The following MCTP1 variants were observed in gnomAD, a reference collection of about 807,000 sequenced individuals.
The protein encoded by MCTP1 is multiple C2 and transmembrane domain-containing protein 1.
Under a neutral mutation model 120.6 loss-of-function variants are expected in MCTP1, and 69 were observed. The observed-to-expected ratio is 0.57, with a 90% confidence interval of 0.47 to 0.70. MCTP1 has a LOEUF of 0.70. Ranked by LOEUF, MCTP1 falls within the 30% of genes least tolerant of loss-of-function variation. MCTP1 has a pLI of 0.00. For synonymous variants in MCTP1, 529 were observed against 493.1 expected, an observed-to-expected ratio of 1.07 and a Z score of -0.96; for missense variants, 1,203 against 1,248.8, an observed-to-expected ratio of 0.96 and a Z score of 0.55.
At chr5:95,075,195 C>A (rs1245238687) in intron 1 of MCTP1, among the ~76,000 whole-genome samples, 1 of 152,184 alleles carries the variant, frequency 6.6e-6, no homozygotes, top group African/African-American at 2.4e-5. Context: ...CTTTTAAAAT[C>A]AAATGGGTAC....
intron 1 of MCTP1, among the ~76,000 whole-genome samples, chr5:95,274,588 C>G (rs568993864): frequency 3.9e-5 from 6 of 152,166 alleles, no homozygotes; most frequent in Admixed American, 2.0e-4. Flanking sequence ...TTCCCATGAA[C>G]CATTTCCAAC....
At chr5:94,862,157 T>C (rs1170193206) in intron 17 of MCTP1, among the ~76,000 whole-genome samples, 1 of 151,832 alleles carries the variant, frequency 6.6e-6, no homozygotes. Context: ...TTTTCAAAAT[T>C]ATAGCATTCT....
chr5:94,778,249 G>A (rs1201493349), intron 19 of MCTP1, among the ~76,000 whole-genome samples: 1 of 151,954 alleles, frequency 6.6e-6, no homozygotes, highest in African/African-American at 2.4e-5. Flanking sequence ...AAAAAAATCT[G>A]GTTTTACACG....
At position 94,888,958 on chromosome 5, in the gene MCTP1, T is replaced by A. The variant is rs568470477; in HGVS notation, c.1854A>T (p.Ile618=). The change falls in exon 12 of 23, where the codon ATA becomes ATT. Residue 618 remains isoleucine (I), a synonymous_variant. Transcript: ENST00000515393. ...ATCCCACATCTTTCAGGTTGTGAAA[T>A]ATCCTCAATGGGCTCTGAAAGACCC... ...EILKRYSPLR[I]FHNLKDVGFL... The A allele has an allele frequency of 1.1e-5, 18 of 1,613,316 alleles. No homozygotes were observed. The highest frequency in any genetic ancestry group is 1.5e-5 in the Non-Finnish European group (18 of 1,179,290).
chr5:94,966,957 AG>A (rs34483311), intron 2 of MCTP1, among the ~76,000 whole-genome samples: 2 of 152,350 alleles, frequency 1.3e-5, no homozygotes, highest in South Asian at 4.1e-4. Context: ...CCTCAAAACT[AG>A]GAATGATCAT....
At chr5:95,269,187 GTAT>G (rs367646773) in intron 1 of MCTP1, among the ~76,000 whole-genome samples, 2 of 152,076 alleles carry the variant, frequency 1.3e-5, no homozygotes, top group African/African-American at 2.4e-5. Context: ...TTCCATGCTG[GTAT>G]TATTATTATT....
intron 1 of MCTP1, among the ~76,000 whole-genome samples, chr5:95,244,067 G>C (rs577314204): frequency 1.4e-4 from 22 of 152,308 alleles, no homozygotes; most frequent in Admixed American, 9.1e-4. Flanking sequence ...CTACAGAGTA[G>C]AGAGAAGATA....
chr5:95,007,051 C>T (rs1834903278), intron 2 of MCTP1, among the ~76,000 whole-genome samples: 1 of 152,064 alleles, frequency 6.6e-6, no homozygotes, highest in African/African-American at 2.4e-5. Flanking sequence ...TGGCTGGAAA[C>T]TTACAATCAT....
intron 15 of MCTP1, 72 bp from the exon 16 acceptor site, chr5:94,870,563 A>T (rs1680094757): frequency 9.0e-7 from 1 of 1,107,756 alleles, no homozygotes; most frequent in South Asian, 1.3e-5. Flanking sequence ...ACGCAGTTCA[A>T]TTTGCAATAA....
intron 12 of MCTP1, among the ~76,000 whole-genome samples, chr5:94,882,411 C>T (rs1800306620): frequency 6.6e-6 from 1 of 151,916 alleles, no homozygotes; most frequent in Non-Finnish European, 1.5e-5. Context: ...CCAAGTATCT[C>T]TGTAGTAAGT....
At chr5:94,807,314 A>G (rs1006797208) in intron 17 of MCTP1, among the ~76,000 whole-genome samples, 2 of 152,214 alleles carry the variant, frequency 1.3e-5, no homozygotes, top group Non-Finnish European at 2.9e-5. Context: ...GGTGTTTATC[A>G]ATATATAAAA....
intron 19 of MCTP1, among the ~76,000 whole-genome samples, chr5:94,728,489 C>T (rs1455542581): frequency 2.0e-5 from 3 of 152,130 alleles, no homozygotes; most frequent in Non-Finnish European, 4.4e-5. Flanking sequence ...GATGTACTTT[C>T]CTGGGCCTGT....
At chr5:94,966,711 C>T (rs938351785) in intron 2 of MCTP1, among the ~76,000 whole-genome samples, 17 of 151,860 alleles carry the variant, frequency 1.1e-4, no homozygotes, top group Admixed American at 3.9e-4. Flanking sequence ...AGGAGAATGG[C>T]GTGAACCTGG....
chr5:95,153,918 A>G (rs1649328786), intron 1 of MCTP1, among the ~76,000 whole-genome samples: 1 of 152,194 alleles, frequency 6.6e-6, no homozygotes, highest in African/African-American at 2.4e-5. Context: ...TCTTTCTAAA[A>G]TCAAAGGTCT....
chr5:94,749,799 C>G (rs929864170), intron 19 of MCTP1, among the ~76,000 whole-genome samples: 9 of 151,820 alleles, frequency 5.9e-5, no homozygotes, highest in African/African-American at 2.2e-4. Flanking sequence ...ATCTCTAAAG[C>G]CTTGGGCCAA....
intron 1 of MCTP1, among the ~76,000 whole-genome samples, chr5:95,279,130 A>G (rs1760109658): frequency 6.6e-6 from 1 of 152,216 alleles, no homozygotes; most frequent in African/African-American, 2.4e-5. Flanking sequence ...TACTCCATTA[A>G]CCAGGATTGG....
chr5:94,772,498 A>AT (rs1254563741), intron 19 of MCTP1, among the ~76,000 whole-genome samples: 2 of 152,068 alleles, frequency 1.3e-5, no homozygotes, highest in Non-Finnish European at 2.9e-5. Context: ...CAATCTCCCT[A>AT]TTTTAAGGTC....
Position 94,706,900 on chromosome 5 carries a change from A to C in MCTP1, c.*596T>G, listed in dbSNP as rs541262994. ...AGTATTGATTCTCTTGAGGGAGTGA[A>C]TGTACCTTCACTTATTAGCTTAAAA... On this transcript the variant is annotated 3_prime_UTR_variant, in exon 23 of 23. Coordinates refer to ENST00000515393, the MANE Select transcript of MCTP1 (RefSeq NM_024717.7). 6.6e-6 allele frequency: 1 copy of C among 151,972 alleles called. No homozygotes were observed. The highest frequency in any genetic ancestry group is 1.5e-5 in the Non-Finnish European group (1 of 67,876). The allele number at this position is 151,972 out of a possible 1,614,324, so 9.4% of individuals were successfully genotyped here. A position where few individuals can be genotyped will look rare whatever the true frequency, so the allele number is the denominator to read the frequency against.
chr5:95,225,983 T>C lies in MCTP1; in HGVS notation c.720+57873A>G, dbSNP rs577253792. On this transcript the variant is annotated intron_variant, in intron 1 of 22. Coordinates refer to ENST00000515393, the MANE Select transcript of MCTP1 (RefSeq NM_024717.7). The stretch of plus-strand genomic sequence containing the variant: ...CTATTCCCTAAGAGATGGATGAAAG[T>C]ATATCATCTCTAATTTTATTTTTTA... 9.9e-5 allele frequency among the ~76,000 whole-genome samples: 15 copies of C among 152,266 alleles called. No homozygotes were observed. The East Asian group carries it at 2.7e-3, about 27-fold the overall frequency.
Sources: gnomAD v4.1 joint callset for allele counts (sites outside exome capture counted in the v4.1 genomes callset) on GRCh38, gnomAD v4.1.1 for gene constraint, MANE v1.5 for transcripts, NCBI Gene and HGNC (gene_info 2026-07-23, HGNC 2026-07-21) for gene names.